The following AFF3 variants were observed in gnomAD, a reference collection of about 807,000 sequenced individuals.
AFF3 encodes ALF transcription elongation factor 3.
A neutral mutation model predicts 129.7 loss-of-function variants in AFF3; 32 were observed. That is an observed-to-expected ratio of 0.25 (90% CI 0.19 to 0.33). AFF3 has a LOEUF of 0.33. AFF3 is among the 10% of genes least tolerant of loss of function. AFF3 has a pLI of 1.00. For synonymous variants in AFF3, 644 were observed against 635.4 expected (o/e 1.01, Z -0.20); for missense variants, 1,373 against 1,592.0 (o/e 0.86, Z 2.34).
intron 13 of AFF3, among the ~76,000 whole-genome samples, chr2:99,638,077 T>TG (rs1683831716): frequency 8.9e-6 from 1 of 112,428 alleles, no homozygotes; most frequent in African/African-American, 3.2e-5. Flanking sequence ...CCAGAACCAG[T>TG]ATTTTTTTTT....
At chr2:100,095,994 G>A (rs1294764496) in intron 4 of AFF3, among the ~76,000 whole-genome samples, 10 of 152,056 alleles carry the variant, frequency 6.6e-5, no homozygotes, top group African/African-American at 1.7e-4. Context: ...GTGATTTCTC[G>A]TAGGACACTA....
chr2:100,057,893 G>A (rs951486055), intron 4 of AFF3, among the ~76,000 whole-genome samples: 1 of 152,170 alleles, frequency 6.6e-6, no homozygotes, highest in Non-Finnish European at 1.5e-5. Flanking sequence ...CTGGAATCAA[G>A]ATAAACTATT....
chr2:99,612,924 G>C (rs1478188846), intron 13 of AFF3, among the ~76,000 whole-genome samples: 1 of 152,158 alleles, frequency 6.6e-6, no homozygotes, highest in Non-Finnish European at 1.5e-5. Context: ...TATACACACA[G>C]AGGAAAAAAA....
At position 99,745,032 on chromosome 2, in the gene AFF3, T is replaced by G. The variant is rs183094356; in HGVS notation, c.1003-892A>C. On this transcript the variant is annotated intron_variant, in intron 9 of 24. Coordinates refer to ENST00000672756, the MANE Select transcript of AFF3 (RefSeq NM_001386135.1). ...GGGTTCCAATTTATCTACACCCTTG[T>G]CAATGCTTGTTATTTTCCATTAAAA... 7.4e-4 allele frequency among the ~76,000 whole-genome samples: 113 copies of G among 152,336 alleles called. 1 individual carries two copies. In the East Asian group the frequency reaches 0.016, roughly 22 times the overall value.
chr2:100,004,502 G>A (rs1472534593), intron 7 of AFF3, among the ~76,000 whole-genome samples: 3 of 151,954 alleles, frequency 2.0e-5, no homozygotes, highest in African/African-American at 7.3e-5. Flanking sequence ...GCCCAGGCTG[G>A]TCTTGAACTC....
At position 99,832,450 on chromosome 2, in the gene AFF3, C is replaced by T. The variant is rs146646066; in HGVS notation, c.921+5027G>A. On this transcript the variant is annotated intron_variant, in intron 8 of 24. Transcript: ENST00000672756. ...AAAATGAACACCTCCAGAGTCACTG[C>T]CAAGTCCACAGATTGTAGTCACAGG... 1.8e-3 allele frequency among the ~76,000 whole-genome samples: 271 copies of T among 152,278 alleles called. 2 individuals carry two copies. Among genetic ancestry groups the T allele is most frequent in the African/African-American group, 5.5e-3 (228 of 41,562 alleles).
intron 7 of AFF3, among the ~76,000 whole-genome samples, chr2:99,898,429 C>CA (rs1694124624): frequency 6.6e-6 from 1 of 152,186 alleles, no homozygotes; most frequent in Non-Finnish European, 1.5e-5. Context: ...GCCCTGCTGC[C>CA]AGGCTAGCTC....
intron 3 of AFF3, chr2:100,104,744 G>T (rs964078603): frequency 4.6e-6 from 3 of 658,114 alleles, no homozygotes; most frequent in Non-Finnish European, 3.5e-6. Flanking sequence ...CCCCGCCCCC[G>T]GCCCTGCGCC....
chr2:99,607,671 G>A (rs62154480), intron 13 of AFF3, among the ~76,000 whole-genome samples: 18,942 of 152,248 alleles, frequency 0.12, 1,324 homozygotes, highest in East Asian at 0.17. Flanking sequence ...CAAGTAACTT[G>A]GAGAGAGGCT....
chr2:100,109,648 G>A (rs1691445822), intron 2 of AFF3, among the ~76,000 whole-genome samples: 1 of 152,166 alleles, frequency 6.6e-6, no homozygotes, highest in African/African-American at 2.4e-5. Flanking sequence ...TGAATCTGTT[G>A]AGAATAGGAC....
At chr2:99,938,069 T>C (rs1013291948) in intron 7 of AFF3, among the ~76,000 whole-genome samples, 5 of 152,170 alleles carry the variant, frequency 3.3e-5, no homozygotes, top group East Asian at 3.9e-4. Context: ...GCCTCAGCTT[T>C]CCATCAGTTA....
At chr2:99,569,849 A>C (rs558010207) in intron 18 of AFF3, among the ~76,000 whole-genome samples, 5 of 152,370 alleles carry the variant, frequency 3.3e-5, no homozygotes, top group African/African-American at 9.6e-5. Context: ...GATATTAATC[A>C]TGGACTGTTT....
chr2:100,013,766 A>G (rs1205278368), intron 4 of AFF3, among the ~76,000 whole-genome samples: 1 of 152,202 alleles, frequency 6.6e-6, no homozygotes, highest in East Asian at 1.9e-4. Flanking sequence ...CCCAACTGAC[A>G]AAGGATAGAA....
At chr2:99,882,742 C>T (rs1018158212) in intron 7 of AFF3, among the ~76,000 whole-genome samples, 11 of 152,220 alleles carry the variant, frequency 7.2e-5, no homozygotes, top group African/African-American at 2.7e-4. Flanking sequence ...CAGAACTGAA[C>T]TCAATGCAAG....
At chr2:100,033,387 T>C (rs546644861) in intron 4 of AFF3, among the ~76,000 whole-genome samples, 1 of 152,394 alleles carries the variant, frequency 6.6e-6, no homozygotes, top group East Asian at 1.9e-4. Context: ...TAAGCTTATA[T>C]GCACACATAC....
At chr2:99,948,456 T>C (rs2106374756) in intron 7 of AFF3, among the ~76,000 whole-genome samples, 1 of 152,358 alleles carries the variant, frequency 6.6e-6, no homozygotes, top group South Asian at 2.1e-4. Context: ...TGGCTTTATA[T>C]GCAAATAGCA....
rs536432672 is a variant in AFF3 at position 99,578,803 on chromosome 2, C to T, written c.2794-352G>A. On this transcript the variant is annotated intron_variant, in intron 17 of 24. Coordinates refer to ENST00000672756, the MANE Select transcript of AFF3 (RefSeq NM_001386135.1). ...GTTTAGATGCCCACTTTTCCCAGTC[C>T]GCTAGACTGGAGGCTGGCCAGTTCA... Among the ~76,000 whole-genome samples, 22 of 152,288 alleles carry T rather than the reference C, an allele frequency of 1.4e-4. No individual in the cohort carries two copies. The South Asian group carries it at 1.5e-3, about 10-fold the overall frequency.
intron 12 of AFF3, 41 bp from the exon 13 acceptor site, chr2:99,649,707 G>C (rs779189193): frequency 6.2e-7 from 1 of 1,610,862 alleles, no homozygotes; most frequent in Middle Eastern, 1.7e-4. Flanking sequence ...TTAATATTCT[G>C]ACTTTTGAAT....
chr2:99,877,280 G>A (rs753419908), intron 7 of AFF3, among the ~76,000 whole-genome samples: 1 of 152,218 alleles, frequency 6.6e-6, no homozygotes, highest in South Asian at 2.1e-4. Context: ...GTGGGATTGA[G>A]GGGGAGATGT....
Sources: allele counts gnomAD v4.1 joint callset (sites outside exome capture counted in the v4.1 genomes callset), GRCh38; gene constraint gnomAD v4.1.1; transcripts MANE v1.5; gene names NCBI Gene and HGNC (gene_info 2026-07-23, HGNC 2026-07-21).